The following LGR6 variants were observed in gnomAD, a reference collection of about 807,000 sequenced individuals.
LGR6 encodes leucine-rich repeat-containing G protein-coupled receptor 6.
A neutral mutation model predicts 69.4 loss-of-function variants in LGR6; 45 were observed. The ratio of observed to expected loss-of-function variants is 0.65; its 90% CI spans 0.51 to 0.83. LGR6 has a LOEUF of 0.83. LGR6 is among the 40% of genes least tolerant of loss of function. LGR6 has a pLI of 0.00. For missense variants in LGR6, 1,108 were observed against 1,246.7 expected, an observed-to-expected ratio of 0.89 and a Z score of 1.68; for synonymous variants, 538 against 555.0, an observed-to-expected ratio of 0.97 and a Z score of 0.43.
chr1:202,298,033 C>T (rs944222017), intron 7 of LGR6, among the ~76,000 whole-genome samples: 2 of 152,196 alleles, frequency 1.3e-5, no homozygotes, highest in Admixed American at 1.3e-4. Flanking sequence ...TTTCAGCATT[C>T]GCTGAGCACC....
In LGR6 at chr1:202,305,695, A is replaced by G; in HGVS notation, c.1082A>G (p.His361Arg). Residue 361 changes from histidine to arginine, a missense_variant, in exon 12 of 18, where the codon CAC (histidine) becomes CGC (arginine). By Grantham distance (29) the His-to-Arg change is conservative. Transcript: ENST00000367278. ...LPRLRVLELSHNQIEELPSLH... is the reference protein window; with the variant it reads ...LPRLRVLELSRNQIEELPSLH... ...TCTCTTTTCCCCAGGGAACTGTCTC[A>G]CAATCAAATTGAGGAGCTGCCCAGC... 6.2e-7 allele frequency: 1 copy of G among 1,613,794 alleles called. No individual in the cohort carries two copies.
intron 1 of LGR6, among the ~76,000 whole-genome samples, chr1:202,217,206 T>C (rs1267186984): frequency 6.6e-6 from 1 of 152,208 alleles, no homozygotes; most frequent in Non-Finnish European, 1.5e-5. Flanking sequence ...GATTAACCCC[T>C]TTCAGTAAGA....
At chr1:202,297,948 C>T (rs961020828) in intron 7 of LGR6, among the ~76,000 whole-genome samples, 4 of 152,234 alleles carry the variant, frequency 2.6e-5, no homozygotes, top group African/African-American at 9.6e-5. Context: ...TTTATAGGAT[C>T]ACTCCTCAGC....
chr1:202,211,945 C>A (rs187032501), intron 1 of LGR6, among the ~76,000 whole-genome samples: 3 of 152,306 alleles, frequency 2.0e-5, no homozygotes, highest in Admixed American at 6.5e-5. Context: ...TTGCATCTGG[C>A]TTCTTTTCCT....
At chr1:202,300,516 G>A (rs1179974047) in intron 7 of LGR6, among the ~76,000 whole-genome samples, 1 of 152,132 alleles carries the variant, frequency 6.6e-6, no homozygotes, top group Non-Finnish European at 1.5e-5. Context: ...TTAGCGAGGT[G>A]CAGTGGCACA....
intron 1 of LGR6, among the ~76,000 whole-genome samples, chr1:202,209,036 G>A (rs1659365359): frequency 1.3e-5 from 2 of 152,278 alleles, no homozygotes; most frequent in Middle Eastern, 3.4e-3. Flanking sequence ...GGCAGATCAA[G>A]TCATTACACC....
intron 1 of LGR6, among the ~76,000 whole-genome samples, chr1:202,204,387 TCCACACACACA>T (rs1346351380): frequency 2.6e-5 from 1 of 37,870 alleles, no homozygotes; most frequent in East Asian, 8.6e-4. Context: ...CACACACACC[TCCACACACACA>T]CCTCCAAACA....
chr1:202,301,372 C>T, intron 9 of LGR6, 137 bp downstream of exon 9: 1 of 725,756 alleles, frequency 1.4e-6, no homozygotes, highest in Non-Finnish European at 2.4e-6. Flanking sequence ...TTCAAGGCTG[C>T]AGGCCTCTGC....
At chr1:202,215,880 T>A (rs1659745356) in intron 1 of LGR6, among the ~76,000 whole-genome samples, 1 of 152,168 alleles carries the variant, frequency 6.6e-6, no homozygotes, top group African/African-American at 2.4e-5. Flanking sequence ...CACAGGATCG[T>A]GTGGCCTCAC....
At chr1:202,198,686 T>G (rs2361444) in intron 1 of LGR6, among the ~76,000 whole-genome samples, 12 of 61,740 alleles carry the variant, frequency 1.9e-4, no homozygotes, top group South Asian at 1.5e-3. Context: ...TTTTTTTTTT[T>G]TTTTTTTTTT....
rs759494729 is a variant in LGR6 at position 202,319,235 on chromosome 1, T to C, written c.*28T>C. On this transcript the variant is annotated 3_prime_UTR_variant, in exon 18 of 18. Transcript: ENST00000367278. Reference sequence around the variant, plus strand: ...ATCCCTCCCCATTCTTCTCTTCCCCTCTCTTCCCTTTCCTCTCTCCCCCTC... The same window carrying C: ...ATCCCTCCCCATTCTTCTCTTCCCCCCTCTTCCCTTTCCTCTCTCCCCCTC... 4.2e-5 allele frequency: 64 copies of C among 1,535,044 alleles called. No homozygotes were observed. The Middle Eastern group carries it at 8.7e-4, about 21-fold the overall frequency.
At chr1:202,254,890 C>CTT (rs1663629750) in intron 4 of LGR6, among the ~76,000 whole-genome samples, 1 of 125,088 alleles carries the variant, frequency 8.0e-6, no homozygotes, top group South Asian at 2.9e-4. Context: ...AGTTGAGACT[C>CTT]TGTCTCTACA....
chr1:202,287,444 C>T (rs993302240), intron 6 of LGR6, among the ~76,000 whole-genome samples: 12 of 152,212 alleles, frequency 7.9e-5, no homozygotes, highest in East Asian at 7.7e-4. Context: ...GTTCTGTTTA[C>T]GCTTCTCTCC....
chr1:202,307,305 C>G (rs763771724), intron 13 of LGR6, 25 bp from the exon 14 acceptor site: 1 of 1,611,518 alleles, frequency 6.2e-7, no homozygotes, highest in Admixed American at 1.7e-5. Flanking sequence ...ACTGTCCCCT[C>G]CTGTCACACC....
At chr1:202,238,130 T>A (rs367732601) in intron 4 of LGR6, among the ~76,000 whole-genome samples, 1 of 152,280 alleles carries the variant, frequency 6.6e-6, no homozygotes, top group Middle Eastern at 3.4e-3. Flanking sequence ...AGGGTCTGGC[T>A]CTGTCACCCA....
chr1:202,298,390 C>T (rs1429771608), intron 7 of LGR6, among the ~76,000 whole-genome samples: 2 of 152,150 alleles, frequency 1.3e-5, no homozygotes, highest in African/African-American at 4.8e-5. Flanking sequence ...GGGATGAGCA[C>T]AGGTGGGAAG....
chr1:202,209,391 C>G (rs184272071), intron 1 of LGR6, among the ~76,000 whole-genome samples: 38 of 152,314 alleles, frequency 2.5e-4, no homozygotes, highest in Non-Finnish European at 5.9e-5. Flanking sequence ...ACTCAGCCTG[C>G]CCGCCCCACA....
intron 1 of LGR6, among the ~76,000 whole-genome samples, chr1:202,224,652 G>A (rs894466669): frequency 2.0e-5 from 3 of 152,144 alleles, no homozygotes; most frequent in Admixed American, 1.3e-4. Context: ...TAGACCCCTC[G>A]CATGCGCAGT....
At chr1:202,216,260 C>T (rs1659775503) in intron 1 of LGR6, among the ~76,000 whole-genome samples, 1 of 152,194 alleles carries the variant, frequency 6.6e-6, no homozygotes, top group Admixed American at 6.5e-5. Context: ...TTGTTGGTTA[C>T]TTACCATGTG....
Sources: allele counts gnomAD v4.1 joint callset (sites outside exome capture counted in the v4.1 genomes callset), GRCh38; gene constraint gnomAD v4.1.1; transcripts MANE v1.5; gene names NCBI Gene and HGNC (gene_info 2026-07-23, HGNC 2026-07-21).